Variants in COX16 observed in about 807,000 individuals in gnomAD.
COX16 encodes the protein cytochrome c oxidase assembly factor COX16.
Under a neutral mutation model 15.4 loss-of-function variants are expected in COX16, and 12 were observed. The ratio of observed to expected loss-of-function variants is 0.78; its 90% CI spans 0.50 to 1.26. The LOEUF (loss-of-function observed/expected upper bound fraction) is 1.26, where lower values mean the gene tolerates loss of function less well. Among genes scored for constraint, COX16 ranks in the 50% most tolerant of loss-of-function variants. The pLI is 0.00. For missense variants in COX16, 124 were observed against 127.6 expected (o/e 0.97, Z 0.14); for synonymous variants, 46 against 41.1 (o/e 1.12, Z -0.46).
intron 2 of COX16, among the ~76,000 whole-genome samples, chr14:70,336,209 T>C (rs765046423): frequency 6.6e-6 from 1 of 152,132 alleles, no homozygotes; most frequent in Non-Finnish European, 1.5e-5. Context: ...TGAGCCAAGA[T>C]TGCACCACTG....
rs781059799 is a variant in COX16, at chr14:70,326,410, G to A, written c.244C>T (p.Arg82Ter). 8.0e-5 allele frequency: 127 copies of A among 1,596,628 alleles called. No individual in the cohort carries two copies. Among genetic ancestry groups the A allele is most frequent in the Non-Finnish European group, 1.1e-4 (124 of 1,171,842 alleles). ...DSKFDDWKNI[R>*]GPRPWEDPDL... The stretch of plus-strand genomic sequence containing the variant: ...GGATCTTCCCAAGGCCTGGGTCCTC[G>A]AATATTCTTCCAGTCATCAAACTTG... Residue 82 changes from arginine to a stop codon, truncating the protein, a stop_gained, in exon 4 of 4, where the codon CGA (arginine) becomes TGA (stop). Coordinates refer to ENST00000389912, the MANE Select transcript of COX16 (RefSeq NM_016468.7). LOFTEE classifies it high-confidence loss of function.
At chr14:70,354,474 C>T (rs976954129) in intron 1 of COX16, among the ~76,000 whole-genome samples, 2 of 152,106 alleles carry the variant, frequency 1.3e-5, no homozygotes, top group Non-Finnish European at 1.5e-5. Flanking sequence ...GCCAATGGTT[C>T]AATCACCCAT....
At chr14:70,335,554 G>A (rs1886424262) in intron 2 of COX16, among the ~76,000 whole-genome samples, 1 of 147,540 alleles carries the variant, frequency 6.8e-6, no homozygotes, top group Non-Finnish European at 1.5e-5. Flanking sequence ...TTTGGAAGCT[G>A]TACAAATACA....
At position 70,331,294 on chromosome 14, in the gene COX16, C is replaced by T. The variant is rs141420669; in HGVS notation, c.142-2058G>A. Among the ~76,000 whole-genome samples the T allele has an allele frequency of 5.3e-5, 8 of 152,150 alleles. No individual in the cohort carries two copies. In the East Asian group the frequency reaches 1.5e-3, roughly 29 times the overall value. On this transcript the variant is annotated intron_variant, in intron 2 of 3. Transcript: ENST00000389912. ...GTGCTGGGATTACAGGTGTGAGCCACGGCACCCAACCAAGTGTATTAAACT... is the reference window on the plus strand; with the variant it reads ...GTGCTGGGATTACAGGTGTGAGCCATGGCACCCAACCAAGTGTATTAAACT...
chr14:70,329,395 GTACTA>G (rs528416904), intron 2 of COX16, among the ~76,000 whole-genome samples, 159 bp from the exon 3 acceptor site: 358 of 152,070 alleles, frequency 2.4e-3, no homozygotes, highest in African/African-American at 8.1e-3. Context: ...GATAACTAAT[GTACTA>G]CTGCCAGCAT....
intron 3 of COX16, chr14:70,328,179 A>AAAGCC (rs1886152858): frequency 6.8e-6 from 1 of 146,684 alleles, no homozygotes; most frequent in African/African-American, 2.5e-5. Flanking sequence ...AACAAAGCTT[A>AAAGCC]AAGCCAAGCC....
chr14:70,335,894 CAAAG>C (rs768560336), intron 2 of COX16, among the ~76,000 whole-genome samples: 7 of 152,028 alleles, frequency 4.6e-5, no homozygotes, highest in Non-Finnish European at 5.9e-5. Context: ...AAATTCAAAA[CAAAG>C]AAAATTAATC....
At chr14:70,359,473 G>A (rs367954847) in intron 1 of COX16, 46 bp downstream of exon 1, 2 of 1,536,484 alleles carry the variant, frequency 1.3e-6, no homozygotes, top group African/African-American at 1.4e-5. Flanking sequence ...TCCTGCCAAG[G>A]AGGAGGGTCC....
chr14:70,352,700 C>G (rs1886998707), intron 1 of COX16, among the ~76,000 whole-genome samples: 1 of 130,560 alleles, frequency 7.7e-6, no homozygotes, highest in South Asian at 2.4e-4. Flanking sequence ...GGCTGGAGTG[C>G]AGTGGCGCGA....
Position 70,359,509 on chromosome 14 carries a change from C to T in COX16, c.69+10G>A, listed in dbSNP as rs1887234991. The T allele has an allele frequency of 6.2e-7, 1 of 1,612,948 alleles. No individual in the cohort carries two copies. Among genetic ancestry groups the T allele is most frequent in the Non-Finnish European group, 8.5e-7 (1 of 1,178,922 alleles). Reference sequence around the variant, plus strand: ...CACCCCTTGCGGAAGATCCTCCTCACTCCACTCACCAACATGGGGACTCCA... The same window carrying T: ...CACCCCTTGCGGAAGATCCTCCTCATTCCACTCACCAACATGGGGACTCCA... On this transcript the variant is annotated intron_variant, in intron 1 of 3. Transcript: ENST00000389912.
At chr14:70,338,728 C>G (rs1886535006) in intron 2 of COX16, among the ~76,000 whole-genome samples, 1 of 152,160 alleles carries the variant, frequency 6.6e-6, no homozygotes, top group Non-Finnish European at 1.5e-5. Context: ...CTCAGCAGCT[C>G]TATTTTAGAC....
chr14:70,337,438 G>GAT (rs1328438243), intron 2 of COX16, among the ~76,000 whole-genome samples: 1 of 152,082 alleles, frequency 6.6e-6, no homozygotes, highest in Non-Finnish European at 1.5e-5. Flanking sequence ...ACTCCTGGAT[G>GAT]ATAGTAAGAT....
Position 70,326,448 on chromosome 14 carries a change from T to A in COX16, c.206A>T (p.Lys69Ile). 6.3e-7 allele frequency: 1 copy of A among 1,577,956 alleles called. No individual in the cohort carries two copies. Among genetic ancestry groups the A allele is most frequent in the Non-Finnish European group, 8.6e-7 (1 of 1,166,078 alleles). Residue 69 changes from lysine to isoleucine, a missense_variant and splice_region_variant, in exon 4 of 4, where the codon AAA becomes ATA. Lys to Ile is a moderately radical substitution (Grantham distance 102). Transcript: ENST00000389912. ...NKISLESEYE[K>I]IKDSKFDDWK... is the part of the protein sequence containing the mutation. ...GTCATCAAACTTGGAGTCTTTGATT[T>A]TCTATAGAACCACAAAAAATTAAAG...
At position 70,359,511 on chromosome 14, in the gene COX16, C is replaced by A; in HGVS notation, c.69+8G>T. On this transcript the variant is annotated splice_region_variant and intron_variant, in intron 1 of 3. Transcript: ENST00000389912. ...CCCCTTGCGGAAGATCCTCCTCACT[C>A]CACTCACCAACATGGGGACTCCATA... 1 of 1,613,220 alleles carries A rather than the reference C, an allele frequency of 6.2e-7. No homozygotes were observed. Among genetic ancestry groups the A allele is most frequent in the Non-Finnish European group, 8.5e-7 (1 of 1,179,188 alleles).
At chr14:70,328,801 A>G (rs981767084) in intron 3 of COX16, among the ~76,000 whole-genome samples, 10 of 151,908 alleles carry the variant, frequency 6.6e-5, no homozygotes, top group African/African-American at 2.2e-4. Flanking sequence ...GTGACTTTAT[A>G]TACTTTTTTC....
At position 70,343,773 on chromosome 14, in the gene COX16, G is replaced by A. The variant is rs114458072; in HGVS notation, c.70-1044C>T. ...CAAAAGATTTAAACTTCATAATAAA[G>A]AATTGTAACCACCGAATGGGTTCAC... is the stretch of plus-strand genomic sequence containing the variant. On this transcript the variant is annotated intron_variant, in intron 1 of 3. Transcript: ENST00000389912. 3.0e-3 allele frequency among the ~76,000 whole-genome samples: 452 copies of A among 152,250 alleles called. 4 individuals are homozygous for A. The highest frequency in any genetic ancestry group is 0.011 in the African/African-American group (441 of 41,540).
chr14:70,340,189 C>T (rs1306566823), intron 2 of COX16, among the ~76,000 whole-genome samples: 1 of 152,196 alleles, frequency 6.6e-6, no homozygotes, highest in Non-Finnish European at 1.5e-5. Context: ...AGTAAGTTCT[C>T]ACAAGATCTG....
intron 1 of COX16, among the ~76,000 whole-genome samples, chr14:70,345,847 A>G (rs1886762558): frequency 6.6e-6 from 1 of 151,690 alleles, no homozygotes; most frequent in Non-Finnish European, 1.5e-5. Flanking sequence ...ACTGACTGCT[A>G]TCCACCCCTC....
chr14:70,346,247 C>T (rs1211678885), intron 1 of COX16, among the ~76,000 whole-genome samples: 1 of 152,232 alleles, frequency 6.6e-6, no homozygotes, highest in East Asian at 1.9e-4. Flanking sequence ...TTAATTTAGC[C>T]TTCATAGTCT....
Sources: allele counts gnomAD v4.1 joint callset (sites outside exome capture counted in the v4.1 genomes callset), GRCh38; gene constraint gnomAD v4.1.1; transcripts MANE v1.5; gene names NCBI Gene and HGNC (gene_info 2026-07-23, HGNC 2026-07-21).